Variants in WNT11 observed in about 807,000 individuals in gnomAD.
The protein encoded by WNT11 is protein Wnt-11.
WNT11 carries 20 observed loss-of-function variants against 35.6 expected under a neutral mutation model. The observed-to-expected ratio is 0.56, with a 90% CI of 0.40 to 0.82. The LOEUF (loss-of-function observed/expected upper bound fraction) is 0.82. WNT11 is among the 40% of genes least tolerant of loss of function. The probability of loss-of-function intolerance (pLI) is 0.00; values close to 1 mark genes in which losing one functional copy is unlikely to be tolerated. For synonymous variants in WNT11, 200 were observed against 211.9 expected, an observed-to-expected ratio of 0.94 and a Z score of 0.49; for missense variants, 459 against 504.4, an observed-to-expected ratio of 0.91 and a Z score of 0.86.
chr11:76,194,882 A>T lies in WNT11; in HGVS notation c.320-38T>A, dbSNP rs199814580. 138 of 1,466,124 alleles carry T rather than the reference A, an allele frequency of 9.4e-5. No homozygotes were observed. The African/African-American group carries it at 1.9e-3, about 20-fold the overall frequency. The allele number at this position is 1,466,124 out of a possible 1,614,324, so 90.8% of individuals were successfully genotyped here. A position where few individuals can be genotyped will look rare whatever the true frequency, so the allele number is the denominator to read the frequency against. The stretch of plus-strand genomic sequence containing the variant: ...GGGGAAGGTCAGCCGACGCTGATCC[A>T]GGGCTAGGACCCTGCCCAGGTCAGA... On this transcript the variant is annotated intron_variant, in intron 2 of 4. Transcript: ENST00000322563. This position sits in a 1 kb window ranked among gnomAD's most constrained non-coding sequence, Gnocchi z 5.4.
Position 76,194,709 on chromosome 11 carries a change from T to A in WNT11, c.455A>T (p.Asn152Ile). ...PVPGEPPGPGNRWGGCADNLS... is the reference protein window; with the variant it reads ...PVPGEPPGPGIRWGGCADNLS... ...GTTGTCCGCACATCCTCCCCAGCGG[T>A]TCCCGGGCCCGGGTGGCTCACCTGG... is the stretch of plus-strand genomic sequence containing the variant. The change falls in exon 3 of 5, where the codon AAC becomes ATC. Residue 152 changes from asparagine to isoleucine, a missense_variant. By Grantham distance (149) the Asn-to-Ile change is moderately radical. Transcript: ENST00000322563. This position sits in a 1 kb window ranked among gnomAD's most constrained non-coding sequence, Gnocchi z 5.4. 1 of 1,550,494 alleles carries A rather than the reference T, an allele frequency of 6.4e-7. No individual in the cohort carries two copies. Among genetic ancestry groups the A allele is most frequent in the African/African-American group, 1.4e-5 (1 of 73,120 alleles).
chr11:76,195,630 T>C (rs1263184204), intron 2 of WNT11, among the ~76,000 whole-genome samples: 1 of 152,192 alleles, frequency 6.6e-6, no homozygotes, highest in African/African-American at 2.4e-5. Flanking sequence ...TTGTGGCCCA[T>C]TGGACAGCAG....
intron 4 of WNT11, 61 bp from the exon 5 acceptor site, chr11:76,187,300 A>T: frequency 6.5e-7 from 1 of 1,527,822 alleles, no homozygotes; most frequent in Non-Finnish European, 8.8e-7. Context: ...CCAACACCCC[A>T]TGACTCCCAG....
At chr11:76,200,099 C>T (rs950625707) in intron 1 of WNT11, among the ~76,000 whole-genome samples, 3 of 143,692 alleles carry the variant, frequency 2.1e-5, no homozygotes, top group African/African-American at 7.5e-5. Flanking sequence ...AAGATAGAAA[C>T]CTTCCCAGAG....
rs139035343 is a variant in WNT11 at position 76,194,125 on chromosome 11, T to G, written c.597+442A>C. Among the ~76,000 whole-genome samples the G allele has an allele frequency of 6.6e-6, 1 of 151,864 alleles. No individual in the cohort carries two copies. Among genetic ancestry groups the G allele is most frequent in the East Asian group, 2.0e-4 (1 of 5,116 alleles). On this transcript the variant is annotated intron_variant, in intron 3 of 4. Coordinates refer to ENST00000322563, the MANE Select transcript of WNT11 (RefSeq NM_004626.3). The surrounding 1 kb of genome is among the most constrained non-coding windows in gnomAD (Gnocchi z 5.4). ...AGCAGATGACCCCTTAGCATAGGCT[T>G]CTGTTGACCACAGCCCTCTCCACGC...
Position 76,196,560 on chromosome 11 carries a change from C to T in WNT11, c.242G>A (p.Arg81His), listed in dbSNP as rs781536011. The change falls in exon 2 of 5, where the codon CGC (arginine) becomes CAC (histidine). Residue 81 changes from arginine to histidine, a missense_variant. Arg to His is a conservative substitution (Grantham distance 29, BLOSUM62 0). Coordinates refer to ENST00000322563, the MANE Select transcript of WNT11 (RefSeq NM_004626.3). ...HAAREVMKAC[R>H]RAFADMRWNC... Reference sequence around the variant, plus strand: ...CCAGCGCATGTCGGCAAAGGCCCGGCGACAGGCCTTCATGACCTCGCGGGC... The same window carrying T: ...CCAGCGCATGTCGGCAAAGGCCCGGTGACAGGCCTTCATGACCTCGCGGGC... 3.7e-5 allele frequency: 60 copies of T among 1,613,514 alleles called. No individual in the cohort carries two copies. The highest frequency in any genetic ancestry group is 5.0e-5 in the Admixed American group (3 of 60,014).
rs754441019 is a variant in WNT11 at position 76,191,778 on chromosome 11, C to T, written c.676G>A (p.Gly226Arg). Reference protein sequence around the residue: ...GSCSIRTCWKGLQELQDVAAD... With the variant: ...GSCSIRTCWKRLQELQDVAAD... ...GCCACATCCTGCAGCTCCTGCAGCC[C>T]CTTCCAGCAGGTGCGGATGGAGCAG... Residue 226 changes from glycine to arginine, a missense_variant, in exon 4 of 5, where the codon GGG (glycine) becomes AGG (arginine). By Grantham distance (125) the Gly-to-Arg change is moderately radical (BLOSUM62 -2). Transcript: ENST00000322563. The T allele has an allele frequency of 6.2e-7, 1 of 1,612,852 alleles. No individual in the cohort carries two copies. Among genetic ancestry groups the T allele is most frequent in the Non-Finnish European group, 8.5e-7 (1 of 1,180,022 alleles).
At position 76,196,487 on chromosome 11, in the gene WNT11, C is replaced by T; in HGVS notation, c.315G>A (p.Glu105=). 6 of 1,613,356 alleles carry T rather than the reference C, an allele frequency of 3.7e-6. No individual in the cohort carries two copies. Among genetic ancestry groups the T allele is most frequent in the Non-Finnish European group, 5.1e-6 (6 of 1,180,020 alleles). ...ELAPNYLLDL[E]RGTRESAFVY... ...AGCAGCCTCGCCAGCTCCTACCTCT[C>T]TCCAGGTCAAGCAAATAGTTGGGGG... The change falls in exon 2 of 5, where the codon GAG becomes GAA. Residue 105 remains glutamate, a synonymous_variant. Transcript: ENST00000322563.
At chr11:76,209,989 T>A (rs1319596926), upstream of WNT11, among the ~76,000 whole-genome samples, 1 of 150,544 alleles carries the variant, frequency 6.6e-6, no homozygotes, top group Non-Finnish European at 1.5e-5. Context: ...GCCAGGCTTC[T>A]GCCCCCATCC....
intron 1 of WNT11, 141 bp from the exon 2 acceptor site, chr11:76,196,859 G>A (rs902682089): frequency 2.1e-6 from 2 of 943,648 alleles, no homozygotes; most frequent in East Asian, 2.7e-5. Flanking sequence ...TCCAAAAAAG[G>A]CTCCCAAACT....
At chr11:76,206,586 G>A, upstream of WNT11, 1 of 1,178,908 alleles carries the variant, frequency 8.5e-7, no homozygotes, top group Non-Finnish European at 1.1e-6. Flanking sequence ...AGGGGTCGGG[G>A]CCCGGGGAGG....
intron 1 of WNT11, among the ~76,000 whole-genome samples, chr11:76,199,864 C>A (rs974390286): frequency 6.6e-6 from 1 of 152,090 alleles, no homozygotes; most frequent in African/African-American, 2.4e-5. Context: ...AAGTATTGGA[C>A]CAGACGGAGT....
In WNT11 at chr11:76,206,446, G is replaced by T. The variant is rs779740987; in HGVS notation, c.-39C>A. The T allele has an allele frequency of 2.9e-6, 4 of 1,400,408 alleles. No individual in the cohort carries two copies. The highest frequency in any genetic ancestry group is 3.7e-6 in the Non-Finnish European group (4 of 1,077,982). 86.7% of individuals were successfully genotyped at this position (1,400,408 alleles called of 1,614,324 possible). ...GCGCGCCCGGGGTCACACCCAGGAG[G>T]AGCCGCGCCGAAGTCCTCCGCCTGC... On this transcript the variant is annotated 5_prime_UTR_variant, in exon 1 of 5. Transcript: ENST00000322563.
At position 76,206,383 on chromosome 11, in the gene WNT11, C is replaced by G. The variant is rs1459697623; in HGVS notation, c.25G>C (p.Glu9Gln). 6.5e-7 allele frequency: 1 copy of G among 1,548,186 alleles called. No individual in the cohort carries two copies. Among genetic ancestry groups the G allele is most frequent in the Non-Finnish European group, 8.7e-7 (1 of 1,153,012 alleles). MRARPQVCEALLFALALQT... is the reference protein window; with the variant it reads MRARPQVCQALLFALALQT... ...AGCGCCAGGGCGAAGAGCAGCGCCT[C>G]GCAGACCTGCGGCCGCGCCCTCATC... The change falls in exon 1 of 5, where the codon GAG becomes CAG. Residue 9 changes from glutamate (E) to glutamine (Q), a missense_variant. Transcript: ENST00000322563.
chr11:76,202,283 G>C (rs577640485), intron 1 of WNT11, among the ~76,000 whole-genome samples: 20 of 152,180 alleles, frequency 1.3e-4, no homozygotes, highest in Middle Eastern at 3.2e-3. Flanking sequence ...TCTGGGATGA[G>C]GAGGATGCTG....
chr11:76,194,432 G>T lies in WNT11; in HGVS notation c.597+135C>A. On this transcript the variant is annotated intron_variant, in intron 3 of 4. Coordinates refer to ENST00000322563, the MANE Select transcript of WNT11 (RefSeq NM_004626.3). This position sits in a 1 kb window ranked among gnomAD's most constrained non-coding sequence, Gnocchi z 5.4. ...GAGGGAAGGGCTGAGGATGAGGATG[G>T]TGCGAGGCACATCAGGTGTGGGCCA... 1 of 1,065,810 alleles carries T rather than the reference G, an allele frequency of 9.4e-7. No individual in the cohort carries two copies. Among genetic ancestry groups the T allele is most frequent in the Non-Finnish European group, 1.3e-6 (1 of 750,276 alleles). The allele number at this position is 1,065,810 out of a possible 1,614,324, so 66.0% of individuals were successfully genotyped here.
At chr11:76,205,124 A>G (rs1411582843) in intron 1 of WNT11, among the ~76,000 whole-genome samples, 1 of 152,184 alleles carries the variant, frequency 6.6e-6, no homozygotes, top group Non-Finnish European at 1.5e-5. Context: ...CTTGTAAACA[A>G]GAAAGGCAGG....
chr11:76,205,924 G>A (rs1229374286), intron 1 of WNT11, among the ~76,000 whole-genome samples: 2 of 152,204 alleles, frequency 1.3e-5, no homozygotes, highest in Non-Finnish European at 2.9e-5. Flanking sequence ...GAGGGGTCAG[G>A]AGTGTCTCAG....
In WNT11 at chr11:76,196,572, A is replaced by G. The variant is rs749104004; in HGVS notation, c.230T>C (p.Met77Thr). The G allele has an allele frequency of 1.9e-5, 30 of 1,613,542 alleles. No individual in the cohort carries two copies. The highest frequency in any genetic ancestry group is 2.4e-5 in the Non-Finnish European group (28 of 1,180,054). Reference protein sequence around the residue: ...HTVVHAAREVMKACRRAFADM... With the variant: ...HTVVHAAREVTKACRRAFADM... ...GGCAAAGGCCCGGCGACAGGCCTTC[A>G]TGACCTCGCGGGCGGCGTGCACCAC... Residue 77 changes from methionine (M) to threonine (T), a missense_variant, in exon 2 of 5, where the codon ATG becomes ACG. Coordinates refer to ENST00000322563, the MANE Select transcript of WNT11 (RefSeq NM_004626.3).
Sources: allele counts gnomAD v4.1 joint callset (sites outside exome capture counted in the v4.1 genomes callset), GRCh38; gene constraint gnomAD v4.1.1; non-coding constraint Gnocchi (gnomAD v3.1); transcripts MANE v1.5; gene names NCBI Gene and HGNC (gene_info 2026-07-23, HGNC 2026-07-21).